The following LRFN5 variants were observed in gnomAD, a reference collection of about 807,000 sequenced individuals.
The protein encoded by LRFN5 is leucine-rich repeat and fibronectin type-III domain-containing protein 5.
Under a neutral mutation model 45.6 loss-of-function variants are expected in LRFN5, and 24 were observed. The ratio of observed to expected loss-of-function variants is 0.53; its 90% CI spans 0.38 to 0.74. LRFN5 has a LOEUF of 0.74. Among genes scored for constraint, LRFN5 ranks in the 30% least tolerant of loss-of-function variants. The pLI is 0.00. For missense variants in LRFN5, 776 were observed against 861.5 expected (o/e 0.90, Z 1.24); for synonymous variants, 340 against 313.8 (o/e 1.08, Z -0.88).
At chr14:41,693,407 G>A (rs1449265018) in intron 1 of LRFN5, among the ~76,000 whole-genome samples, 1 of 152,080 alleles carries the variant, frequency 6.6e-6, no homozygotes. Flanking sequence ...TCATTGACAC[G>A]TATTTTACTC....
chr14:41,836,235 T>C (rs931247245), intron 2 of LRFN5, among the ~76,000 whole-genome samples: 2 of 152,180 alleles, frequency 1.3e-5, no homozygotes, highest in Admixed American at 6.5e-5. Context: ...AGAACATGAA[T>C]ATCTCTGGAA....
intron 3 of LRFN5, among the ~76,000 whole-genome samples, chr14:41,889,003 A>ATG (rs34512522): frequency 2.5e-4 from 6 of 23,838 alleles, no homozygotes; most frequent in Non-Finnish European, 6.3e-4. Context: ...ATGTATACAC[A>ATG]TATATATATG....
chr14:41,704,238 C>T (rs1331177352), intron 1 of LRFN5, among the ~76,000 whole-genome samples: 1 of 152,032 alleles, frequency 6.6e-6, no homozygotes, highest in Non-Finnish European at 1.5e-5. Context: ...GCAGCCAGAG[C>T]TGTAGTTGGG....
intron 2 of LRFN5, among the ~76,000 whole-genome samples, chr14:41,811,501 C>T (rs912585657): frequency 1.1e-4 from 16 of 151,946 alleles, no homozygotes; most frequent in African/African-American, 3.9e-4. Flanking sequence ...TTCATAATAG[C>T]CCAAAAATGG....
intron 1 of LRFN5, among the ~76,000 whole-genome samples, chr14:41,630,830 C>A (rs1888507498): frequency 6.6e-6 from 1 of 151,814 alleles, no homozygotes; most frequent in African/African-American, 2.4e-5. Context: ...TATATTAGTT[C>A]TTTATCGTTT....
chr14:41,822,666 T>A (rs1485039952), intron 2 of LRFN5, among the ~76,000 whole-genome samples: 2 of 152,036 alleles, frequency 1.3e-5, no homozygotes, highest in African/African-American at 2.4e-5. Context: ...GTTCATTTGG[T>A]CTAGCATCCA....
chr14:41,777,610 A>T (rs1314509020), intron 2 of LRFN5, among the ~76,000 whole-genome samples: 1 of 151,780 alleles, frequency 6.6e-6, no homozygotes, highest in Non-Finnish European at 1.5e-5. Context: ...AATTTTCCTT[A>T]TATTATTTTT....
intron 2 of LRFN5, among the ~76,000 whole-genome samples, chr14:41,831,162 C>A (rs1888464360): frequency 6.6e-6 from 1 of 152,082 alleles, no homozygotes; most frequent in Non-Finnish European, 1.5e-5. Context: ...AACATGCTAA[C>A]CTTCTCTCCA....
At chr14:41,659,822 A>C (rs547603800) in intron 1 of LRFN5, among the ~76,000 whole-genome samples, 156 of 149,134 alleles carry the variant, frequency 1.0e-3, no homozygotes, top group Non-Finnish European at 2.0e-3. Flanking sequence ...GCTTTTTTTC[A>C]TATGTTGTTG....
At chr14:41,763,029 G>A (rs983977493) in intron 1 of LRFN5, among the ~76,000 whole-genome samples, 5 of 152,098 alleles carry the variant, frequency 3.3e-5, no homozygotes, top group Non-Finnish European at 7.4e-5. Context: ...TAAAATGAAG[G>A]GAATATGTGA....
Position 41,635,937 on chromosome 14 carries a change from C to T in LRFN5, c.-197+27375C>T, listed in dbSNP as rs149543100. Among the ~76,000 whole-genome samples the T allele has an allele frequency of 2.1e-3, 319 of 152,184 alleles. 1 individual carries two copies. Among genetic ancestry groups the T allele is most frequent in the African/African-American group, 7.1e-3 (296 of 41,526 alleles). ...CATACTTTACCCTTATCCTGGTATC[C>T]CAGCAGAGCAGTCAGGATTGGAACA... On this transcript the variant is annotated intron_variant, in intron 1 of 5. Coordinates refer to ENST00000298119, the MANE Select transcript of LRFN5 (RefSeq NM_152447.5).
chr14:41,822,238 G>T (rs185831605), intron 2 of LRFN5, among the ~76,000 whole-genome samples: 23 of 151,882 alleles, frequency 1.5e-4, no homozygotes, highest in African/African-American at 5.3e-4. Context: ...TTTCCTTGAG[G>T]TGTAATGTGA....
At chr14:41,840,490 G>T (rs1408323025) in intron 2 of LRFN5, among the ~76,000 whole-genome samples, 2 of 152,084 alleles carry the variant, frequency 1.3e-5, no homozygotes, top group East Asian at 1.9e-4. Context: ...ATCATAATAT[G>T]CACAAAACAT....
intron 2 of LRFN5, among the ~76,000 whole-genome samples, chr14:41,872,180 A>G (rs73303355): frequency 9.8e-5 from 15 of 152,322 alleles, no homozygotes; most frequent in African/African-American, 3.6e-4. Context: ...GTTACAGCTT[A>G]CAGCTATACC....
At chr14:41,893,829 A>T in intron 4 of LRFN5, 1 of 985,330 alleles carries the variant, frequency 1.0e-6, no homozygotes, top group Non-Finnish European at 1.2e-6. Flanking sequence ...CTTTCTAAAA[A>T]GTTTACTTTT....
At chr14:41,696,547 T>TCACAATCTGTTGATTGTGATATCGA (rs149987994) in intron 1 of LRFN5, among the ~76,000 whole-genome samples, 2 of 150,898 alleles carry the variant, frequency 1.3e-5, no homozygotes, top group Non-Finnish European at 3.0e-5. Context: ...TCTGCAGACA[T>TCACAATCTGTTGATTGTGATATCGA]CACAATCTGT....
intron 2 of LRFN5, among the ~76,000 whole-genome samples, chr14:41,797,830 A>T (rs1026096697): frequency 6.6e-6 from 1 of 151,898 alleles, no homozygotes; most frequent in South Asian, 2.1e-4. Context: ...CTTACAAGAA[A>T]ATCTCTAATT....
chr14:41,713,532 A>G (rs1231356985), intron 1 of LRFN5, among the ~76,000 whole-genome samples: 1 of 152,100 alleles, frequency 6.6e-6, no homozygotes, highest in African/African-American at 2.4e-5. Flanking sequence ...ATACAATCTA[A>G]AATCTCCAGA....
intron 1 of LRFN5, among the ~76,000 whole-genome samples, chr14:41,617,653 T>C (rs1887971207): frequency 6.6e-6 from 1 of 152,144 alleles, no homozygotes; most frequent in South Asian, 2.1e-4. Context: ...GTTGTTTGTA[T>C]TGAGAAGGTA....
Sources: gnomAD v4.1 joint callset for allele counts (sites outside exome capture counted in the v4.1 genomes callset) on GRCh38, gnomAD v4.1.1 for gene constraint, MANE v1.5 for transcripts, NCBI Gene and HGNC (gene_info 2026-07-23, HGNC 2026-07-21) for gene names.